The following SORD variants were observed in gnomAD, a reference collection of about 807,000 sequenced individuals.
SORD encodes the protein (R,R)-butanediol dehydrogenase.
Under a neutral mutation model 35.6 loss-of-function variants are expected in SORD, and 18 were observed. The observed-to-expected ratio is 0.51, with a 90% confidence interval of 0.35 to 0.75. SORD has a LOEUF of 0.75. Ranked by LOEUF, SORD falls within the 30% of genes least tolerant of loss-of-function variation. The probability of loss-of-function intolerance (pLI) is 0.01; values close to 1 mark genes in which losing one functional copy is unlikely to be tolerated. For missense variants in SORD, 250 were observed against 390.2 expected (o/e 0.64, Z 3.03); for synonymous variants, 106 against 152.9 (o/e 0.69, Z 2.26).
At chr15:45,054,408 T>C (rs1893179338) in intron 3 of SORD, among the ~76,000 whole-genome samples, 1 of 152,230 alleles carries the variant, frequency 6.6e-6, no homozygotes, top group South Asian at 2.1e-4. Context: ...ATGATGAGCA[T>C]CTTTTCATGT....
At chr15:45,062,369 C>T (rs534769007) in intron 4 of SORD, among the ~76,000 whole-genome samples, 2 of 152,350 alleles carry the variant, frequency 1.3e-5, no homozygotes, top group African/African-American at 2.4e-5. Flanking sequence ...TCCCTTTCTG[C>T]GTGGCCCCCC....
chr15:45,065,140 G>T (rs1234099427), intron 4 of SORD, 131 bp from the exon 5 acceptor site: 2 of 771,130 alleles, frequency 2.6e-6, no homozygotes, highest in Non-Finnish European at 4.3e-6. Context: ...TTAGCACATT[G>T]CTCTGCACAT....
intron 3 of SORD, among the ~76,000 whole-genome samples, chr15:45,060,399 C>G (rs1276922567): frequency 6.6e-6 from 1 of 152,028 alleles, no homozygotes; most frequent in East Asian, 1.9e-4. Context: ...GGCTGGGTTT[C>G]CAAGCAGGTG....
chr15:45,023,625 T>C (rs1332214140), intron 1 of SORD, among the ~76,000 whole-genome samples: 3 of 152,232 alleles, frequency 2.0e-5, no homozygotes, highest in Non-Finnish European at 4.4e-5. Flanking sequence ...GAATGAAGCT[T>C]TCTCTCTCCT....
chr15:45,034,920 C>T (rs1037430367), intron 1 of SORD, among the ~76,000 whole-genome samples: 23 of 152,230 alleles, frequency 1.5e-4, no homozygotes, highest in Admixed American at 1.5e-3. Context: ...GCGGGCCCCG[C>T]ACTCAGAGCA....
intron 7 of SORD, among the ~76,000 whole-genome samples, chr15:45,071,540 C>T (rs1190604927): frequency 2.0e-5 from 3 of 152,274 alleles, no homozygotes; most frequent in Middle Eastern, 3.4e-3. Flanking sequence ...CCAGAATGGT[C>T]CCAATAAATG....
At chr15:45,029,600 T>C (rs1240313459) in intron 1 of SORD, among the ~76,000 whole-genome samples, 1 of 152,282 alleles carries the variant, frequency 6.6e-6, no homozygotes, top group Non-Finnish European at 1.5e-5. Flanking sequence ...AGCAGCTCAG[T>C]TGGCCCCTTG....
intron 5 of SORD, among the ~76,000 whole-genome samples, chr15:45,067,538 C>G (rs1291761017): frequency 6.6e-6 from 1 of 152,018 alleles, no homozygotes; most frequent in Non-Finnish European, 1.5e-5. Flanking sequence ...AAAAGTAAAC[C>G]CCCAAAGATA....
At chr15:45,059,939 A>C (rs745665123) in intron 3 of SORD, among the ~76,000 whole-genome samples, 1 of 152,230 alleles carries the variant, frequency 6.6e-6, no homozygotes, top group Non-Finnish European at 1.5e-5. Context: ...GTACAAAAAA[A>C]AGTCAAAACA....
chr15:45,033,089 C>G (rs1892811605), intron 1 of SORD, among the ~76,000 whole-genome samples: 1 of 151,872 alleles, frequency 6.6e-6, no homozygotes, highest in African/African-American at 2.4e-5. Flanking sequence ...CTGGCAGAGT[C>G]AAGCCTAAAA....
At chr15:45,023,599 C>T (rs1262011149) in intron 1 of SORD, among the ~76,000 whole-genome samples, 1 of 152,366 alleles carries the variant, frequency 6.6e-6, no homozygotes, top group South Asian at 2.1e-4. Context: ...GTGCCCAGGA[C>T]GGTTGCAAAC....
At chr15:45,061,434 C>A (rs891686834) in intron 4 of SORD, among the ~76,000 whole-genome samples, 2 of 152,206 alleles carry the variant, frequency 1.3e-5, no homozygotes, top group African/African-American at 4.8e-5. Flanking sequence ...TTTAGTCTTT[C>A]AGTTTCAGTT....
At chr15:45,054,459 G>A (rs1419994844) in intron 3 of SORD, among the ~76,000 whole-genome samples, 2 of 152,188 alleles carry the variant, frequency 1.3e-5, no homozygotes, top group Non-Finnish European at 2.9e-5. Flanking sequence ...AGAAGTGTCT[G>A]TTCATGTCCT....
intron 3 of SORD, chr15:45,058,805 G>C (rs1049468886): frequency 6.6e-6 from 1 of 152,254 alleles, no homozygotes; most frequent in Admixed American, 6.5e-5. Context: ...TCCCTTATCT[G>C]TCTAGGTGTT....
intron 5 of SORD, among the ~76,000 whole-genome samples, chr15:45,067,527 A>C (rs1893426036): frequency 6.6e-6 from 1 of 152,200 alleles, no homozygotes; most frequent in Non-Finnish European, 1.5e-5. Context: ...GGTTGTGTAC[A>C]AAAAGTAAAC....
At chr15:45,026,915 C>CT (rs1179362989) in intron 1 of SORD, among the ~76,000 whole-genome samples, 32 of 152,290 alleles carry the variant, frequency 2.1e-4, no homozygotes, top group African/African-American at 6.5e-4. Flanking sequence ...GGAAGGAAAC[C>CT]TACCACACAG....
chr15:45,030,472 A>G (rs72722072), intron 1 of SORD, among the ~76,000 whole-genome samples: 31,050 of 150,522 alleles, frequency 0.21, no homozygotes, highest in African/African-American at 0.44. Context: ...AAGAACATTA[A>G]TTACCAGGGA....
intron 3 of SORD, among the ~76,000 whole-genome samples, chr15:45,053,058 G>T (rs1893153803): frequency 6.6e-6 from 1 of 152,150 alleles, no homozygotes; most frequent in Non-Finnish European, 1.5e-5. Flanking sequence ...TGTCTCTTTT[G>T]GAAAAGTTCT....
chr15:45,023,739 G>C (rs1892626595), intron 1 of SORD, among the ~76,000 whole-genome samples: 1 of 152,228 alleles, frequency 6.6e-6, no homozygotes, highest in Admixed American at 6.5e-5. Context: ...AGCAGAGAAA[G>C]GGGGGCCAGA....
Sources: gnomAD v4.1 joint callset for allele counts (sites outside exome capture counted in the v4.1 genomes callset) on GRCh38, gnomAD v4.1.1 for gene constraint, MANE v1.5 for transcripts, NCBI Gene and HGNC (gene_info 2026-07-23, HGNC 2026-07-21) for gene names.